The following IQGAP2 variants were observed in gnomAD, a reference collection of about 807,000 sequenced individuals.
IQGAP2 encodes ras GTPase-activating-like protein IQGAP2.
In IQGAP2, 173 loss-of-function variants were observed where a neutral mutation model predicts 201.3. That is an observed-to-expected ratio of 0.86 (90% CI 0.76 to 0.98). IQGAP2 has a LOEUF of 0.98. Ranked by LOEUF, IQGAP2 falls within the 50% of genes least tolerant of loss-of-function variation. IQGAP2 has a pLI of 0.00. For synonymous variants in IQGAP2, 675 were observed against 673.9 expected, an observed-to-expected ratio of 1.00 and a Z score of -0.03; for missense variants, 1,687 against 1,864.8, an observed-to-expected ratio of 0.90 and a Z score of 1.76.
chr5:76,687,567 A>AGGT (rs1554086160), intron 30 of IQGAP2, among the ~76,000 whole-genome samples: 1 of 152,138 alleles, frequency 6.6e-6, no homozygotes, highest in East Asian at 1.9e-4. Flanking sequence ...ACACAGCAGG[A>AGGT]GGGGAGCAAG....
chr5:76,551,633 A>G (rs1286536511), intron 2 of IQGAP2, among the ~76,000 whole-genome samples: 1 of 144,274 alleles, frequency 6.9e-6, no homozygotes, highest in Non-Finnish European at 1.5e-5. Flanking sequence ...CAGGCAGATC[A>G]CTCGCGGTCC....
intron 30 of IQGAP2, among the ~76,000 whole-genome samples, chr5:76,687,154 G>C (rs1745854323): frequency 6.6e-6 from 1 of 152,132 alleles, no homozygotes; most frequent in South Asian, 2.1e-4. Flanking sequence ...TGTAAAAAAG[G>C]CTTGAGGCCA....
chr5:76,525,569 A>G, intron 2 of IQGAP2, among the ~76,000 whole-genome samples: 1 of 152,264 alleles, frequency 6.6e-6, no homozygotes, highest in African/African-American at 2.4e-5. Context: ...GCAAAATGGA[A>G]AGAGAGGTAG....
intron 1 of IQGAP2, among the ~76,000 whole-genome samples, chr5:76,445,653 T>C (rs150934696): frequency 0.019 from 2,890 of 152,034 alleles, 101 homozygotes; most frequent in African/African-American, 0.064. Context: ...TTAGTAGAGA[T>C]GGGGTTTCAC....
rs1208512822 is a variant in IQGAP2 at position 76,430,260 on chromosome 5, T to C, written c.46+26669T>C. ...AGACAGGGCACAGTGGGAATGGCTG[T>C]CTCTGCTCCATTTACTGGACCAATT... On this transcript the variant is annotated intron_variant, in intron 1 of 35. Transcript: ENST00000274364. 5.3e-5 allele frequency among the ~76,000 whole-genome samples: 8 copies of C among 150,796 alleles called. No homozygotes were observed. In the Admixed American group the frequency reaches 5.3e-4, roughly 10 times the overall value.
chr5:76,429,602 ATTTATATATATACATATATAAATT>A (rs1321767531), intron 1 of IQGAP2, among the ~76,000 whole-genome samples: 1 of 144,188 alleles, frequency 6.9e-6, no homozygotes, highest in Non-Finnish European at 1.5e-5. Flanking sequence ...ATATATGTAT[ATTTATATATATACATATATAAATT>A]TATATATATA....
At chr5:76,704,680 A>G (rs1352506341) in intron 35 of IQGAP2, among the ~76,000 whole-genome samples, 1 of 152,220 alleles carries the variant, frequency 6.6e-6, no homozygotes, top group Non-Finnish European at 1.5e-5. Context: ...AGAAGAGAAT[A>G]AAACCCTGGG....
intron 13 of IQGAP2, among the ~76,000 whole-genome samples, chr5:76,623,630 A>G (rs538297613): frequency 6.6e-6 from 1 of 152,336 alleles, no homozygotes; most frequent in East Asian, 1.9e-4. Flanking sequence ...TAAGTTTTGA[A>G]TCTGTCCCAC....
At chr5:76,587,605 AT>A (rs964717457) in intron 5 of IQGAP2, among the ~76,000 whole-genome samples, 22 of 152,140 alleles carry the variant, frequency 1.4e-4, no homozygotes, top group Non-Finnish European at 4.4e-5. Flanking sequence ...TAAGCCACTA[AT>A]TTTTTACTTT....
chr5:76,522,425 C>G (rs1758740408), intron 2 of IQGAP2, among the ~76,000 whole-genome samples: 1 of 152,134 alleles, frequency 6.6e-6, no homozygotes, highest in African/African-American at 2.4e-5. Context: ...TCAAGTGATC[C>G]ACCCACCTCG....
chr5:76,429,613 TAC>T (rs1167182470), intron 1 of IQGAP2, among the ~76,000 whole-genome samples: 8 of 145,120 alleles, frequency 5.5e-5, no homozygotes, highest in Admixed American at 4.9e-4. Flanking sequence ...TTTATATATA[TAC>T]ATATATAAAT....
chr5:76,405,922 G>T (rs541225644), intron 1 of IQGAP2, among the ~76,000 whole-genome samples: 4 of 152,310 alleles, frequency 2.6e-5, no homozygotes, highest in African/African-American at 9.6e-5. Context: ...TAAAAATAAA[G>T]TAGCAATACA....
chr5:76,436,420 A>G (rs1191616954), intron 1 of IQGAP2, among the ~76,000 whole-genome samples: 1 of 129,284 alleles, frequency 7.7e-6, no homozygotes, highest in African/African-American at 2.8e-5. Flanking sequence ...GAGGGTTTTT[A>G]TCATAAAAGA....
chr5:76,682,074 T>C (rs1745354887), intron 28 of IQGAP2, among the ~76,000 whole-genome samples: 10 of 152,054 alleles, frequency 6.6e-5, no homozygotes, highest in Admixed American at 6.5e-4. Context: ...TAATGGAGAG[T>C]GACTGCCAAT....
intron 2 of IQGAP2, among the ~76,000 whole-genome samples, chr5:76,553,281 T>G (rs1743688530): frequency 6.6e-6 from 1 of 152,252 alleles, no homozygotes; most frequent in Non-Finnish European, 1.5e-5. Context: ...TATATTCTTT[T>G]AGAATATGTC....
At chr5:76,500,742 C>A (rs1318421034) in intron 2 of IQGAP2, among the ~76,000 whole-genome samples, 1 of 151,998 alleles carries the variant, frequency 6.6e-6, no homozygotes, top group Admixed American at 6.6e-5. Flanking sequence ...AAGTATTTTT[C>A]AATAATGTCA....
chr5:76,600,948 A>G lies in IQGAP2; in HGVS notation c.1208A>G (p.Asn403Ser), dbSNP rs761045939. Residue 403 changes from asparagine to serine, a missense_variant, in exon 11 of 36, where the codon AAT (asparagine) becomes AGT (serine). Physicochemically the swap from Asn to Ser is conservative, Grantham distance 46. Coordinates refer to ENST00000274364, the MANE Select transcript of IQGAP2 (RefSeq NM_006633.5). ...AGAAGCCCCGCAATAGGCTTAAACAATCTGGACAAGGCATATGTGGAACGG... is the reference window on the plus strand; with the variant it reads ...AGAAGCCCCGCAATAGGCTTAAACAGTCTGGACAAGGCATATGTGGAACGG... Reference protein sequence around the residue: ...QLRSPAIGLNNLDKAYVERYA... With the variant: ...QLRSPAIGLNSLDKAYVERYA... 5 of 1,614,014 alleles carry G rather than the reference A, an allele frequency of 3.1e-6. No homozygotes were observed. Among genetic ancestry groups the G allele is most frequent in the Non-Finnish European group, 4.2e-6 (5 of 1,179,888 alleles).
chr5:76,688,569 C>T (rs1745987424), intron 30 of IQGAP2, among the ~76,000 whole-genome samples: 1 of 152,140 alleles, frequency 6.6e-6, no homozygotes, highest in African/African-American at 2.4e-5. Context: ...CTTTTGAGAG[C>T]TGACAGTGGT....
In IQGAP2 at chr5:76,647,383, G is replaced by A. The variant is rs142416673; in HGVS notation, c.2095-5367G>A. 2.8e-3 allele frequency among the ~76,000 whole-genome samples: 419 copies of A among 152,168 alleles called. 1 individual carries two copies. The highest frequency in any genetic ancestry group is 9.6e-3 in the African/African-American group (400 of 41,524). ...TGGGTACAGGCTCTGATATGGTTTGGCTCTGTGTCCCCACCCGAATCTCAT... is the reference window on the plus strand; with the variant it reads ...TGGGTACAGGCTCTGATATGGTTTGACTCTGTGTCCCCACCCGAATCTCAT... On this transcript the variant is annotated intron_variant, in intron 17 of 35. Transcript: ENST00000274364.
Sources: gnomAD v4.1 joint callset for allele counts (sites outside exome capture counted in the v4.1 genomes callset) on GRCh38, gnomAD v4.1.1 for gene constraint, MANE v1.5 for transcripts, NCBI Gene and HGNC (gene_info 2026-07-23, HGNC 2026-07-21) for gene names.